PRIM2: variants seen among roughly 807,000 people sequenced by gnomAD.
PRIM2 encodes the protein DNA primase subunit 2.
Under a neutral mutation model 67.3 loss-of-function variants are expected in PRIM2, and 39 were observed. That is an observed-to-expected ratio of 0.58 (90% CI 0.45 to 0.76). The LOEUF is 0.76. Ranked by LOEUF, PRIM2 falls within the 30% of genes least tolerant of loss-of-function variation. The pLI, the probability that PRIM2 is intolerant of heterozygous loss-of-function variation, is 0.00. For synonymous variants in PRIM2, 143 were observed against 198.7 expected (o/e 0.72, Z 2.36); for missense variants, 398 against 598.7 (o/e 0.66, Z 3.50).
At chr6:57,276,715 G>A in the PRIM2 span, among the ~76,000 whole-genome samples, 1 of 151,852 alleles carries the variant, frequency 6.6e-6, no homozygotes, top group African/African-American at 2.4e-5. Context: ...GCAACATGGT[G>A]AAACCCATCT....
At chr6:57,282,338 A>G in the PRIM2 span, among the ~76,000 whole-genome samples, 18 of 152,154 alleles carry the variant, frequency 1.2e-4, no homozygotes, top group Admixed American at 1.2e-3. Flanking sequence ...TTTTTCTTTT[A>G]GAGGTGTCAT....
chr6:57,300,535 T>C, the PRIM2 span, among the ~76,000 whole-genome samples: 2 of 152,138 alleles, frequency 1.3e-5, no homozygotes, highest in African/African-American at 4.8e-5. Flanking sequence ...CCCTTGAGTA[T>C]GGTTTACTGT....
chr6:57,525,387 C>A (rs1774726943), intron 8 of PRIM2, among the ~76,000 whole-genome samples: 1 of 152,146 alleles, frequency 6.6e-6, no homozygotes, highest in African/African-American at 2.4e-5. Flanking sequence ...AGGCCTTTGA[C>A]TTTTTTTGTG....
At chr6:57,506,671 A>G (rs1774256955) in intron 7 of PRIM2, among the ~76,000 whole-genome samples, 1 of 152,080 alleles carries the variant, frequency 6.6e-6, no homozygotes, top group Admixed American at 6.5e-5. Flanking sequence ...AAATTCTTAT[A>G]AAAAGGTATT....
chr6:57,330,744 G>GT (rs1236418292), intron 5 of PRIM2, among the ~76,000 whole-genome samples: 2 of 151,912 alleles, frequency 1.3e-5, no homozygotes, highest in African/African-American at 4.8e-5. Flanking sequence ...TTAGCTGTGA[G>GT]TTTTTTTTAT....
the PRIM2 span, among the ~76,000 whole-genome samples, chr6:57,306,901 C>A: frequency 6.6e-6 from 1 of 152,174 alleles, no homozygotes; most frequent in Non-Finnish European, 1.5e-5. Context: ...AGATGGCATA[C>A]TCAAAATAGG....
Position 57,646,738 on chromosome 6 carries a change from A to G in PRIM2, c.*580A>G, listed in dbSNP as rs1188787488. 1 of 152,246 alleles carries G rather than the reference A, an allele frequency of 6.6e-6. No individual in the cohort carries two copies. Among genetic ancestry groups the G allele is most frequent in the East Asian group, 1.9e-4 (1 of 5,192 alleles). The allele number at this position is 152,246 out of a possible 1,614,324, so 9.4% of individuals were successfully genotyped here. ...ATAAAAACAGCTTTGGGGACTGGTT[A>G]AAGTCCCCCAGAAACTACAATAAAG... On this transcript the variant is annotated 3_prime_UTR_variant, in exon 14 of 14. Transcript: ENST00000615550.
intron 6 of PRIM2, among the ~76,000 whole-genome samples, chr6:57,381,111 C>T (rs947683589): frequency 6.6e-6 from 1 of 152,136 alleles, no homozygotes; most frequent in African/African-American, 2.4e-5. Flanking sequence ...CAGTATCACA[C>T]AATTTACCCT....
chr6:57,622,013 T>C lies in PRIM2; in HGVS notation c.1231-10120T>C, dbSNP rs1225073838. ...TCGCCCAGGCTGGAGCGCAGTGGCA[T>C]GACCTCGGCTCACTGCAACCTCTGC... On this transcript the variant is annotated intron_variant, in intron 12 of 13. Transcript: ENST00000615550. Among the ~76,000 whole-genome samples the C allele has an allele frequency of 2.6e-5, 4 of 152,238 alleles. No individual in the cohort carries two copies. The East Asian group carries it at 7.7e-4, about 29-fold the overall frequency.
At chr6:57,444,171 C>T (rs1772290389) in intron 7 of PRIM2, among the ~76,000 whole-genome samples, 1 of 152,102 alleles carries the variant, frequency 6.6e-6, no homozygotes, top group South Asian at 2.1e-4. Flanking sequence ...AAACACCTCT[C>T]AAAGTATATA....
chr6:57,472,139 G>A (rs1163796341), intron 7 of PRIM2, among the ~76,000 whole-genome samples: 69,529 of 151,770 alleles, frequency 0.46, 16,437 homozygotes, highest in African/African-American at 0.58. Flanking sequence ...ACCTGAAACT[G>A]TGCACTTTGG....
At chr6:57,528,111 G>T (rs1200269050) in intron 8 of PRIM2, among the ~76,000 whole-genome samples, 1 of 150,636 alleles carries the variant, frequency 6.6e-6, no homozygotes, top group Non-Finnish European at 1.5e-5. Flanking sequence ...CTACAGGTGC[G>T]TGCCACCACA....
intron 12 of PRIM2, among the ~76,000 whole-genome samples, chr6:57,614,216 C>T (rs1447924039): frequency 3.3e-4 from 50 of 152,092 alleles, no homozygotes; most frequent in African/African-American, 1.2e-3. Context: ...CTAGGTTGTG[C>T]GCTCCTTATG....
Position 57,626,297 on chromosome 6 carries a change from T to G in PRIM2, c.1231-5836T>G, listed in dbSNP as rs1172245206. 1.1e-4 allele frequency among the ~76,000 whole-genome samples: 17 copies of G among 152,334 alleles called. 2 individuals are homozygous for G. The South Asian group carries it at 3.5e-3, about 32-fold the overall frequency. On this transcript the variant is annotated intron_variant, in intron 12 of 13. Transcript: ENST00000615550. ...ATTAGCAAGAGGGAGGAAGTGTGGC[T>G]CAAAGTTATAAAATGTTGTGTGTGT... is the stretch of plus-strand genomic sequence containing the variant.
intron 10 of PRIM2, among the ~76,000 whole-genome samples, chr6:57,551,584 G>T (rs1775403892): frequency 6.6e-6 from 1 of 151,666 alleles, no homozygotes; most frequent in African/African-American, 2.4e-5. Context: ...AGTGTATTTT[G>T]TTCATCCATT....
At chr6:57,276,479 A>G in the PRIM2 span, among the ~76,000 whole-genome samples, 4 of 152,234 alleles carry the variant, frequency 2.6e-5, no homozygotes, top group Admixed American at 6.5e-5. Context: ...ATACATATGT[A>G]TGTATGTAAA....
At chr6:57,507,774 T>C (rs1375953333) in intron 8 of PRIM2, among the ~76,000 whole-genome samples, 1 of 152,138 alleles carries the variant, frequency 6.6e-6, no homozygotes, top group African/African-American at 2.4e-5. Flanking sequence ...GGTTAAGGCA[T>C]ACTTTTATTG....
intron 5 of PRIM2, among the ~76,000 whole-genome samples, chr6:57,368,477 T>G (rs1769440879): frequency 6.6e-6 from 1 of 152,196 alleles, no homozygotes; most frequent in African/African-American, 2.4e-5. Context: ...GATTGGAAGC[T>G]TATAGAAGCT....
intron 5 of PRIM2, among the ~76,000 whole-genome samples, chr6:57,367,023 T>C (rs1377094281): frequency 1.1e-4 from 17 of 152,178 alleles, no homozygotes; most frequent in Middle Eastern, 3.2e-3. Context: ...AATTTTACTA[T>C]ATTCCAAATG....
Sources: allele counts gnomAD v4.1 joint callset (sites outside exome capture counted in the v4.1 genomes callset), GRCh38; gene constraint gnomAD v4.1.1; transcripts MANE v1.5; gene names NCBI Gene and HGNC (gene_info 2026-07-23, HGNC 2026-07-21).